The following CALN1 variants were observed in gnomAD, a reference collection of about 807,000 sequenced individuals.
The protein encoded by CALN1 is calneuron 1.
In CALN1, 17 loss-of-function variants were observed where a neutral mutation model predicts 30.6. The ratio of observed to expected loss-of-function variants is 0.56; its 90% confidence interval spans 0.38 to 0.83. The LOEUF is 0.83. Among genes scored for constraint, CALN1 ranks in the 40% least tolerant of loss-of-function variants. The pLI is 0.00. For synonymous variants in CALN1, 156 were observed against 131.4 expected, an observed-to-expected ratio of 1.19 and a Z score of -1.28; for missense variants, 291 against 354.9, an observed-to-expected ratio of 0.82 and a Z score of 1.45.
intron 5 of CALN1, among the ~76,000 whole-genome samples, chr7:71,861,658 A>G (rs1791285335): frequency 6.6e-6 from 1 of 151,672 alleles, no homozygotes; most frequent in Non-Finnish European, 1.5e-5. Flanking sequence ...GTGTGCACCT[A>G]GTCCCAGCTA....
intron 3 of CALN1, among the ~76,000 whole-genome samples, chr7:72,209,373 CTTCCCTCCTTCCCTCTTTCCTTCCCTCT>C: frequency 5.8e-5 from 3 of 51,694 alleles, no homozygotes; most frequent in African/African-American, 2.5e-4. Flanking sequence ...TCCTTCCCTC[CTTCCCTCCTTCCCTCTTTCCTTCCCTCT>C]TTCCTTCCCT....
chr7:71,796,237 A>G lies in CALN1; in HGVS notation c.659-8335T>C, dbSNP rs537214730. On this transcript the variant is annotated intron_variant, in intron 6 of 6. Coordinates refer to ENST00000395275, the MANE Select transcript of CALN1 (RefSeq NM_031468.4). Reference sequence around the variant, plus strand: ...GTTCCTTCCACCTTTTGGGTACTATATGAGTCATGCCGCTATGAACATCCA... The same window carrying G: ...GTTCCTTCCACCTTTTGGGTACTATGTGAGTCATGCCGCTATGAACATCCA... 2.0e-5 allele frequency among the ~76,000 whole-genome samples: 3 copies of G among 152,012 alleles called. No individual in the cohort carries two copies. In the South Asian group the frequency reaches 6.2e-4, roughly 31 times the overall value.
At chr7:71,946,195 GA>G (rs973171788) in intron 5 of CALN1, among the ~76,000 whole-genome samples, 1 of 151,924 alleles carries the variant, frequency 6.6e-6, no homozygotes, top group Non-Finnish European at 1.5e-5. Context: ...AACATAACAA[GA>G]AAAAAAGTTT....
At chr7:72,011,396 C>A (rs1481743170) in intron 5 of CALN1, among the ~76,000 whole-genome samples, 1 of 152,112 alleles carries the variant, frequency 6.6e-6, no homozygotes, top group Non-Finnish European at 1.5e-5. Context: ...CACCGTTGAA[C>A]CTCTGAACTC....
the CALN1 span, among the ~76,000 whole-genome samples, chr7:72,485,565 T>C: frequency 6.6e-6 from 1 of 152,080 alleles, no homozygotes; most frequent in African/African-American, 2.4e-5. Flanking sequence ...TCTGTGGCCA[T>C]TGCGCTTAAC....
intron 3 of CALN1, among the ~76,000 whole-genome samples, chr7:72,170,440 A>G (rs1046352510): frequency 3.9e-5 from 6 of 152,226 alleles, no homozygotes; most frequent in Non-Finnish European, 8.8e-5. Context: ...CAACCAGATG[A>G]GCAGCAGCTG....
At chr7:71,974,600 C>A (rs546226397) in intron 5 of CALN1, among the ~76,000 whole-genome samples, 37 of 152,160 alleles carry the variant, frequency 2.4e-4, no homozygotes, top group Non-Finnish European at 5.3e-4. Flanking sequence ...AGATTCTGGG[C>A]AGAAAGCAGT....
intron 4 of CALN1, among the ~76,000 whole-genome samples, chr7:72,052,316 C>T (rs1049747079): frequency 1.1e-4 from 17 of 152,136 alleles, no homozygotes; most frequent in African/African-American, 2.9e-4. Context: ...AAGTCGCCTC[C>T]GGAGTGGACA....
intron 2 of CALN1, among the ~76,000 whole-genome samples, chr7:72,396,791 A>C (rs1805990931): frequency 6.6e-6 from 1 of 152,060 alleles, no homozygotes; most frequent in Non-Finnish European, 1.5e-5. Context: ...AGTCATGGAG[A>C]CCTGACCACT....
chr7:72,485,134 A>T, the CALN1 span, among the ~76,000 whole-genome samples: 2 of 152,246 alleles, frequency 1.3e-5, no homozygotes, highest in African/African-American at 4.8e-5. Flanking sequence ...ATGTGCCTGT[A>T]GTCCTAGCTT....
At chr7:72,365,517 C>A (rs143582258) in intron 2 of CALN1, among the ~76,000 whole-genome samples, 3 of 152,140 alleles carry the variant, frequency 2.0e-5, no homozygotes, top group African/African-American at 4.8e-5. Flanking sequence ...GTAGCCTCAA[C>A]CTCCTGGGCC....
At chr7:72,305,450 ACTTC>A (rs1161475379) in intron 2 of CALN1, among the ~76,000 whole-genome samples, 5 of 152,098 alleles carry the variant, frequency 3.3e-5, no homozygotes, top group African/African-American at 1.2e-4. Context: ...TTTCTATGTA[ACTTC>A]CTTCAAGATC....
chr7:72,096,550 T>C (rs1263634303), intron 4 of CALN1, among the ~76,000 whole-genome samples: 1 of 151,970 alleles, frequency 6.6e-6, no homozygotes, highest in African/African-American at 2.4e-5. Context: ...CTCACACCTG[T>C]AATCCCAGCC....
At chr7:71,978,979 C>G (rs1382849259) in intron 5 of CALN1, among the ~76,000 whole-genome samples, 1 of 152,158 alleles carries the variant, frequency 6.6e-6, no homozygotes, top group African/African-American at 2.4e-5. Context: ...GCAGAGAGAA[C>G]AGCCTTTGAA....
chr7:72,321,712 G>A (rs557563907), intron 2 of CALN1, among the ~76,000 whole-genome samples: 16 of 152,158 alleles, frequency 1.1e-4, no homozygotes, highest in Non-Finnish European at 2.1e-4. Context: ...CTGTGACATC[G>A]CTGGAGTCAC....
intron 1 of CALN1, among the ~76,000 whole-genome samples, chr7:72,406,490 C>A (rs1022823258): frequency 6.6e-6 from 1 of 152,164 alleles, no homozygotes; most frequent in African/African-American, 2.4e-5. Context: ...CTCTAAAGTC[C>A]ATTTGCTAAT....
intron 2 of CALN1, among the ~76,000 whole-genome samples, chr7:72,369,509 GCAC>G (rs1804094335): frequency 6.6e-6 from 1 of 151,618 alleles, no homozygotes; most frequent in African/African-American, 2.4e-5. Context: ...TTACAGGCAT[GCAC>G]CACCACAACT....
intron 5 of CALN1, among the ~76,000 whole-genome samples, chr7:71,919,590 A>G (rs1267656969): frequency 6.6e-6 from 1 of 152,224 alleles, no homozygotes; most frequent in Non-Finnish European, 1.5e-5. Context: ...AACAATGTAC[A>G]AGAGACACTG....
intron 2 of CALN1, among the ~76,000 whole-genome samples, chr7:72,313,154 T>C (rs1800177003): frequency 6.6e-6 from 1 of 151,884 alleles, no homozygotes; most frequent in Admixed American, 6.6e-5. Flanking sequence ...GTTACTAAAA[T>C]TAAACCAGGG....
Sources: gnomAD v4.1 joint callset for allele counts (sites outside exome capture counted in the v4.1 genomes callset) on GRCh38, gnomAD v4.1.1 for gene constraint, MANE v1.5 for transcripts, NCBI Gene and HGNC (gene_info 2026-07-23, HGNC 2026-07-21) for gene names.